Variants in NFIB observed in about 807,000 individuals in gnomAD.
NFIB encodes the protein nuclear factor 1 B-type.
A neutral mutation model predicts 61.5 loss-of-function variants in NFIB; 11 were observed. The observed-to-expected ratio is 0.18, with a 90% CI of 0.11 to 0.30. The LOEUF (loss-of-function observed/expected upper bound fraction) is 0.30, where lower values mean the gene tolerates loss of function less well. Ranked by LOEUF, NFIB falls within the 10% of genes least tolerant of loss-of-function variation. The pLI is 1.00. For synonymous variants in NFIB, 260 were observed against 216.5 expected (o/e 1.20, Z -1.76); for missense variants, 471 against 608.9 (o/e 0.77, Z 2.38).
upstream of NFIB, chr9:14,314,231 C>A (rs1018547618): frequency 3.5e-5 from 28 of 806,080 alleles, no homozygotes; most frequent in South Asian, 5.8e-5. Flanking sequence ...AGGGAGGGGG[C>A]GCGAGCGCTG....
intron 5 of NFIB, among the ~76,000 whole-genome samples, chr9:14,149,471 TC>T (rs1263990300): frequency 6.6e-6 from 1 of 151,830 alleles, no homozygotes; most frequent in Non-Finnish European, 1.5e-5. Flanking sequence ...AATTAACACA[TC>T]TGTAATCTTT....
intron 1 of NFIB, among the ~76,000 whole-genome samples, chr9:14,341,798 G>C (rs1333926678): frequency 6.6e-6 from 1 of 152,130 alleles, no homozygotes; most frequent in East Asian, 1.9e-4. Context: ...TTCTGGGGAA[G>C]ACAAAGAAAG....
chr9:14,347,857 C>T (rs1044222317), intron 1 of NFIB, among the ~76,000 whole-genome samples: 1 of 152,140 alleles, frequency 6.6e-6, no homozygotes, highest in Non-Finnish European at 1.5e-5. Context: ...CGCCGAGGGT[C>T]CCAGTATCCC....
At chr9:14,333,749 C>G (rs1267068320) in intron 1 of NFIB, among the ~76,000 whole-genome samples, 1 of 152,120 alleles carries the variant, frequency 6.6e-6, no homozygotes, top group Non-Finnish European at 1.5e-5. Context: ...TAATGTGTAT[C>G]TAGGAAAGTA....
At chr9:14,314,775 T>G (rs1392536441), upstream of NFIB, among the ~76,000 whole-genome samples, 1 of 134,828 alleles carries the variant, frequency 7.4e-6, no homozygotes, top group Non-Finnish European at 1.6e-5. Context: ...ATCCTACCGG[T>G]GCTACAGAAC....
intron 2 of NFIB, among the ~76,000 whole-genome samples, chr9:14,215,235 C>T (rs1440730433): frequency 2.0e-5 from 3 of 150,594 alleles, no homozygotes; most frequent in Admixed American, 6.6e-5. Context: ...CATAGACTGT[C>T]CAGCATATTG....
chr9:14,493,989 T>C, the NFIB span, among the ~76,000 whole-genome samples: 1 of 152,232 alleles, frequency 6.6e-6, no homozygotes, highest in African/African-American at 2.4e-5. Flanking sequence ...GCACCATCCC[T>C]GAGCATAACT....
chr9:14,093,129 A>T (rs1024638211), intron 10 of NFIB, among the ~76,000 whole-genome samples: 1 of 152,110 alleles, frequency 6.6e-6, no homozygotes, highest in Non-Finnish European at 1.5e-5. Flanking sequence ...GAAACCAAAC[A>T]AAGTCAAAGA....
At chr9:14,295,378 C>T (rs549286917) in intron 2 of NFIB, among the ~76,000 whole-genome samples, 101 of 152,208 alleles carry the variant, frequency 6.6e-4, no homozygotes, top group African/African-American at 2.4e-3. Flanking sequence ...GTAATCCCAG[C>T]ACTTTGGGAG....
intron 1 of NFIB, among the ~76,000 whole-genome samples, chr9:14,358,919 C>T (rs2061207368): frequency 6.6e-6 from 1 of 152,226 alleles, no homozygotes; most frequent in African/African-American, 2.4e-5. Context: ...CTTATCATCA[C>T]TTCCTAATCA....
At chr9:14,312,955 G>T (rs1450767786) in intron 1 of NFIB, among the ~76,000 whole-genome samples, 1 of 152,178 alleles carries the variant, frequency 6.6e-6, no homozygotes, top group South Asian at 2.1e-4. Context: ...ATGGGTCCCC[G>T]GACCACAACC....
At chr9:14,355,010 A>G (rs182186058) in intron 1 of NFIB, among the ~76,000 whole-genome samples, 1 of 151,512 alleles carries the variant, frequency 6.6e-6, no homozygotes, top group East Asian at 1.9e-4. Flanking sequence ...ACCTATAGCA[A>G]CCGACCCCTG....
At chr9:14,263,429 TAA>T (rs1337897839) in intron 2 of NFIB, among the ~76,000 whole-genome samples, 5 of 152,202 alleles carry the variant, frequency 3.3e-5, no homozygotes, top group Admixed American at 6.5e-5. Context: ...CTCTTGTTTT[TAA>T]AAGTCTGTTT....
At chr9:14,193,021 C>A (rs1165264243) in intron 2 of NFIB, among the ~76,000 whole-genome samples, 3 of 151,776 alleles carry the variant, frequency 2.0e-5, no homozygotes, top group Non-Finnish European at 4.4e-5. Context: ...TGATTCTCAT[C>A]TTTTAAAAAA....
At chr9:14,114,931 G>A (rs1043721388) in intron 9 of NFIB, among the ~76,000 whole-genome samples, 3 of 152,188 alleles carry the variant, frequency 2.0e-5, no homozygotes, top group Admixed American at 2.0e-4. Context: ...TAGTGTTTTG[G>A]TGACTGTAAT....
At position 14,086,198 on chromosome 9, in the gene NFIB, T is replaced by C. The variant is rs1587037377; in HGVS notation, c.*2111A>G. On this transcript the variant is annotated 3_prime_UTR_variant, in exon 11 of 11. Transcript: ENST00000380953. ...AGCCCAGGCCCATCTCAGGGTGCAC[T>C]GCTTCACAGCTACACTGCAAAGTGT... 2 of 223,008 alleles carry C rather than the reference T, an allele frequency of 9.0e-6. No individual in the cohort carries two copies. The highest frequency in any genetic ancestry group is 1.8e-5 in the Non-Finnish European group (2 of 111,326). 13.8% of individuals were successfully genotyped at this position (223,008 alleles called of 1,614,324 possible).
intron 1 of NFIB, among the ~76,000 whole-genome samples, chr9:14,351,743 C>T (rs1280180369): frequency 6.6e-6 from 1 of 152,196 alleles, no homozygotes; most frequent in East Asian, 1.9e-4. Flanking sequence ...TAGAAGGTAT[C>T]TCAGGCATTT....
At chr9:14,429,494 A>C in the NFIB span, among the ~76,000 whole-genome samples, 1 of 152,214 alleles carries the variant, frequency 6.6e-6, no homozygotes, top group African/African-American at 2.4e-5. Flanking sequence ...TCAGCTTTTA[A>C]GGGTGATGTT....
In NFIB at chr9:14,183,707, G is replaced by C. The variant is rs536882199; in HGVS notation, c.563-3927C>G. Among the ~76,000 whole-genome samples, 10 of 152,106 alleles carry C rather than the reference G, an allele frequency of 6.6e-5. No individual in the cohort carries two copies. The South Asian group carries it at 2.1e-3, about 32-fold the overall frequency. On this transcript the variant is annotated intron_variant, in intron 2 of 10. Coordinates refer to ENST00000380953, the MANE Select transcript of NFIB (RefSeq NM_001190737.2). Reference sequence around the variant, plus strand: ...GGTGTGAGCCACCACACCCAGTTTAGTGTCTGGAAAGATTTTGATGCAGTA... The same window carrying C: ...GGTGTGAGCCACCACACCCAGTTTACTGTCTGGAAAGATTTTGATGCAGTA...
Sources: gnomAD v4.1 joint callset for allele counts (sites outside exome capture counted in the v4.1 genomes callset) on GRCh38, gnomAD v4.1.1 for gene constraint, MANE v1.5 for transcripts, NCBI Gene and HGNC (gene_info 2026-07-23, HGNC 2026-07-21) for gene names.